Variants in HS6ST3 observed in about 807,000 individuals in gnomAD.
HS6ST3 encodes the protein heparan-sulfate 6-O-sulfotransferase 3.
HS6ST3 carries 12 observed loss-of-function variants against 36.7 expected under a neutral mutation model. The observed-to-expected ratio is 0.33, with a 90% CI of 0.21 to 0.53. HS6ST3 has a LOEUF of 0.53. HS6ST3 is among the 20% of genes least tolerant of loss of function. The pLI, the probability that HS6ST3 is intolerant of heterozygous loss-of-function variation, is 0.95. For missense variants in HS6ST3, 584 were observed against 640.9 expected, an observed-to-expected ratio of 0.91 and a Z score of 0.96; for synonymous variants, 240 against 257.5, an observed-to-expected ratio of 0.93 and a Z score of 0.65.
rs1250453353 is a variant in HS6ST3 at position 96,682,315 on chromosome 13, A to G, written c.708-150175A>G. On this transcript the variant is annotated intron_variant, in intron 1 of 1. Transcript: ENST00000376705. ...ACCATTTAAGGCATACAATCTCCAT[A>G]TATTTTCTTTTCTCTTTATATTCAC... is the stretch of plus-strand genomic sequence containing the variant. 3.9e-5 allele frequency among the ~76,000 whole-genome samples: 6 copies of G among 152,258 alleles called. No individual in the cohort carries two copies. In the East Asian group the frequency reaches 9.7e-4, roughly 25 times the overall value.
At chr13:96,415,597 G>A (rs2055529034) in intron 1 of HS6ST3, among the ~76,000 whole-genome samples, 1 of 152,192 alleles carries the variant, frequency 6.6e-6, no homozygotes, top group Non-Finnish European at 1.5e-5. Context: ...TAGCTGTCTA[G>A]ATGTGCACAG....
At chr13:96,556,792 A>G (rs1221834212) in intron 1 of HS6ST3, among the ~76,000 whole-genome samples, 2 of 152,186 alleles carry the variant, frequency 1.3e-5, no homozygotes, top group African/African-American at 4.8e-5. Flanking sequence ...GAGAAGAGGA[A>G]ACAATAGGAA....
chr13:96,636,038 C>A (rs1157419725), intron 1 of HS6ST3, among the ~76,000 whole-genome samples: 1 of 152,264 alleles, frequency 6.6e-6, no homozygotes, highest in African/African-American at 2.4e-5. Context: ...GAAACACAAT[C>A]CCTTAAAAAC....
intron 1 of HS6ST3, among the ~76,000 whole-genome samples, chr13:96,518,856 G>A (rs930478797): frequency 6.6e-6 from 1 of 152,088 alleles, no homozygotes; most frequent in Non-Finnish European, 1.5e-5. Context: ...AAGTCATTTT[G>A]TAGTTTCTGA....
chr13:96,375,201 C>A (rs761138603), intron 1 of HS6ST3, among the ~76,000 whole-genome samples: 1 of 152,116 alleles, frequency 6.6e-6, no homozygotes, highest in African/African-American at 2.4e-5. Context: ...ACACCACCCT[C>A]GTAAAGGGTG....
chr13:96,461,340 C>G (rs1023488948), intron 1 of HS6ST3, among the ~76,000 whole-genome samples: 1 of 152,050 alleles, frequency 6.6e-6, no homozygotes, highest in African/African-American at 2.4e-5. Context: ...ATAAGAAGAA[C>G]AACAACAAAA....
At chr13:96,323,339 A>G (rs2055014158) in intron 1 of HS6ST3, among the ~76,000 whole-genome samples, 1 of 152,146 alleles carries the variant, frequency 6.6e-6, no homozygotes, top group South Asian at 2.1e-4. Flanking sequence ...ATTATCTCTA[A>G]CATCTTTCCT....
At chr13:96,453,910 A>G (rs950801795) in intron 1 of HS6ST3, among the ~76,000 whole-genome samples, 2 of 152,062 alleles carry the variant, frequency 1.3e-5, no homozygotes, top group African/African-American at 4.8e-5. Context: ...GGGTTTCTTA[A>G]GGAGAACTAC....
intron 1 of HS6ST3, among the ~76,000 whole-genome samples, chr13:96,342,798 G>A (rs11618559): frequency 0.084 from 12,717 of 152,164 alleles, 582 homozygotes; most frequent in Middle Eastern, 0.12. Context: ...ATTTATCTCC[G>A]CACATTTCTG....
intron 1 of HS6ST3, among the ~76,000 whole-genome samples, chr13:96,401,637 C>T (rs112674200): frequency 9.9e-5 from 15 of 152,158 alleles, no homozygotes; most frequent in Admixed American, 5.2e-4. Flanking sequence ...TATGGTGGTG[C>T]GATCTCGGCT....
At chr13:96,648,191 T>G (rs1405770540) in intron 1 of HS6ST3, among the ~76,000 whole-genome samples, 1 of 152,058 alleles carries the variant, frequency 6.6e-6, no homozygotes, top group Admixed American at 6.6e-5. Flanking sequence ...TGGAGTTGGT[T>G]GTTAAATATT....
chr13:96,455,364 C>T (rs2055749917), intron 1 of HS6ST3, among the ~76,000 whole-genome samples: 3 of 152,050 alleles, frequency 2.0e-5, no homozygotes, highest in East Asian at 1.9e-4. Flanking sequence ...GGATTACAGG[C>T]GTGTACCACT....
Position 96,561,391 on chromosome 13 carries a change from G to A in HS6ST3, c.708-271099G>A, listed in dbSNP as rs116043534. On this transcript the variant is annotated intron_variant, in intron 1 of 1. Transcript: ENST00000376705. ...AGTATACAAAAATTAACTCAAGATG[G>A]CATAAAGATTTAAATGTAAGACCTC... is the stretch of plus-strand genomic sequence containing the variant. 4.2e-3 allele frequency among the ~76,000 whole-genome samples: 643 copies of A among 152,218 alleles called. 7 individuals carry two copies. The highest frequency in any genetic ancestry group is 0.014 in the African/African-American group (591 of 41,532).
At chr13:96,763,961 G>A (rs919606214) in intron 1 of HS6ST3, among the ~76,000 whole-genome samples, 3 of 152,072 alleles carry the variant, frequency 2.0e-5, no homozygotes, top group Non-Finnish European at 4.4e-5. Flanking sequence ...AGGAAAATGT[G>A]GTGTGCAGAA....
intron 1 of HS6ST3, among the ~76,000 whole-genome samples, chr13:96,593,177 T>C (rs867829245): frequency 3.4e-4 from 27 of 80,008 alleles, no homozygotes; most frequent in Non-Finnish European, 5.3e-4. Flanking sequence ...TTTCTTTCTT[T>C]TTTTTTTTTT....
At chr13:96,176,452 A>G (rs1348358543) in intron 1 of HS6ST3, among the ~76,000 whole-genome samples, 1 of 152,134 alleles carries the variant, frequency 6.6e-6, no homozygotes, top group Non-Finnish European at 1.5e-5. Context: ...AGTGATTATC[A>G]ATGGTTGCTA....
At chr13:96,453,188 A>G (rs576942501) in intron 1 of HS6ST3, among the ~76,000 whole-genome samples, 16 of 152,088 alleles carry the variant, frequency 1.1e-4, no homozygotes, top group African/African-American at 3.9e-4. Context: ...TTTAAAAAAA[A>G]AAAAAAAAGA....
chr13:96,184,562 C>G (rs547627883), intron 1 of HS6ST3, among the ~76,000 whole-genome samples: 165 of 152,220 alleles, frequency 1.1e-3, no homozygotes, highest in African/African-American at 3.6e-3. Context: ...CGGCAATGAC[C>G]TGCCTGTTCT....
intron 1 of HS6ST3, among the ~76,000 whole-genome samples, chr13:96,216,590 A>G (rs2054427393): frequency 6.6e-6 from 1 of 152,198 alleles, no homozygotes; most frequent in African/African-American, 2.4e-5. Context: ...CTGAAGTGTC[A>G]TCATATATAC....
Sources: gnomAD v4.1 joint callset for allele counts (sites outside exome capture counted in the v4.1 genomes callset) on GRCh38, gnomAD v4.1.1 for gene constraint, MANE v1.5 for transcripts, NCBI Gene and HGNC (gene_info 2026-07-23, HGNC 2026-07-21) for gene names.